TAFA1: variants seen among roughly 807,000 people sequenced by gnomAD.
The protein encoded by TAFA1 is TAFA chemokine like family member 1.
A neutral mutation model predicts 18.5 loss-of-function variants in TAFA1; 4 were observed. The observed-to-expected ratio is 0.22, with a 90% CI of 0.11 to 0.49. TAFA1 has a LOEUF of 0.49. Among genes scored for constraint, TAFA1 ranks in the 20% least tolerant of loss-of-function variants. TAFA1 has a pLI of 0.98. For missense variants in TAFA1, 147 were observed against 169.0 expected, an observed-to-expected ratio of 0.87 and a Z score of 0.72; for synonymous variants, 56 against 55.2, an observed-to-expected ratio of 1.01 and a Z score of -0.06.
At chr3:68,246,495 C>T (rs897831302) in intron 2 of TAFA1, among the ~76,000 whole-genome samples, 1 of 144,394 alleles carries the variant, frequency 6.9e-6, no homozygotes, top group Non-Finnish European at 1.5e-5. Flanking sequence ...AAGGCTGAGG[C>T]AGGAGAATGG....
At chr3:68,132,521 C>T (rs542413951) in intron 2 of TAFA1, among the ~76,000 whole-genome samples, 60 of 152,332 alleles carry the variant, frequency 3.9e-4, no homozygotes, top group African/African-American at 1.4e-3. Context: ...TATTTCTCCA[C>T]ATCCTCTCCA....
intron 2 of TAFA1, among the ~76,000 whole-genome samples, chr3:68,352,136 C>G (rs146848410): frequency 6.6e-6 from 1 of 151,936 alleles, no homozygotes; most frequent in East Asian, 1.9e-4. Flanking sequence ...ACTAACCACC[C>G]TCTTGAGCAC....
chr3:68,355,332 C>T lies in TAFA1; in HGVS notation c.119-61948C>T, dbSNP rs1425837530. Among the ~76,000 whole-genome samples the T allele has an allele frequency of 2.0e-5, 3 of 151,970 alleles. No homozygotes were observed. In the East Asian group the frequency reaches 5.8e-4, roughly 30 times the overall value. ...AATATGGGCTTTGAATTCAGGCTAC[C>T]CCATTTCAAATGGTAGCTTCCCCAC... On this transcript the variant is annotated intron_variant, in intron 2 of 4. Coordinates refer to ENST00000478136, the MANE Select transcript of TAFA1 (RefSeq NM_213609.4).
At chr3:68,506,485 A>ACACACACACT (rs2072757900) in intron 3 of TAFA1, among the ~76,000 whole-genome samples, 1 of 151,904 alleles carries the variant, frequency 6.6e-6, no homozygotes, top group Non-Finnish European at 1.5e-5. Flanking sequence ...ACACACACAC[A>ACACACACACT]CACAGAGCAA....
At chr3:68,188,520 T>TAG (rs1266366001) in intron 2 of TAFA1, among the ~76,000 whole-genome samples, 135 of 146,526 alleles carry the variant, frequency 9.2e-4, no homozygotes, top group African/African-American at 3.1e-3. Context: ...TATATATATA[T>TAG]ATAGAGAGAG....
At chr3:68,159,647 A>G (rs2065902702) in intron 2 of TAFA1, among the ~76,000 whole-genome samples, 1 of 152,172 alleles carries the variant, frequency 6.6e-6, no homozygotes, top group Non-Finnish European at 1.5e-5. Context: ...ATTCCAGAAC[A>G]GAACTCTCAA....
intron 3 of TAFA1, among the ~76,000 whole-genome samples, chr3:68,442,224 C>A (rs1341949994): frequency 6.6e-6 from 1 of 152,122 alleles, no homozygotes; most frequent in East Asian, 1.9e-4. Flanking sequence ...TTATTTCTTA[C>A]AGTTGTGGAC....
chr3:68,338,323 A>G (rs2069012410), intron 2 of TAFA1, among the ~76,000 whole-genome samples: 1 of 152,208 alleles, frequency 6.6e-6, no homozygotes, highest in Non-Finnish European at 1.5e-5. Context: ...TACAGTCAGT[A>G]CTGAATACGT....
intron 3 of TAFA1, among the ~76,000 whole-genome samples, chr3:68,532,062 A>G (rs1202134498): frequency 6.6e-6 from 1 of 152,132 alleles, no homozygotes; most frequent in Non-Finnish European, 1.5e-5. Flanking sequence ...TGAACGTCCA[A>G]ATCTGTCTGT....
chr3:68,167,931 C>G (rs2066004679), intron 2 of TAFA1, among the ~76,000 whole-genome samples: 1 of 152,008 alleles, frequency 6.6e-6, no homozygotes, highest in African/African-American at 2.4e-5. Flanking sequence ...AGCTTAAAAA[C>G]AGGAGAACCC....
chr3:68,305,364 T>C (rs2068385433), intron 2 of TAFA1, among the ~76,000 whole-genome samples: 1 of 142,754 alleles, frequency 7.0e-6, no homozygotes, highest in Non-Finnish European at 1.5e-5. Flanking sequence ...AATATATGAC[T>C]ATATATAAAT....
chr3:68,254,660 A>G (rs7644215), intron 2 of TAFA1, among the ~76,000 whole-genome samples: 12,904 of 152,082 alleles, frequency 0.085, 678 homozygotes, highest in Middle Eastern at 0.12. Context: ...AAGGTAAAGG[A>G]AGGGTAAAGA....
At chr3:68,170,262 C>G (rs2066035842) in intron 2 of TAFA1, among the ~76,000 whole-genome samples, 2 of 152,124 alleles carry the variant, frequency 1.3e-5, no homozygotes, top group South Asian at 2.1e-4. Context: ...AGTTTTGGGG[C>G]TCCCCAAAAG....
chr3:68,469,092 C>T (rs367864826), intron 3 of TAFA1, among the ~76,000 whole-genome samples: 2 of 151,966 alleles, frequency 1.3e-5, no homozygotes, highest in East Asian at 3.9e-4. Flanking sequence ...TAAGAGGTCA[C>T]AGAGAAGAAC....
At chr3:68,081,727 AG>A (rs1170125460) in intron 2 of TAFA1, among the ~76,000 whole-genome samples, 1 of 152,210 alleles carries the variant, frequency 6.6e-6, no homozygotes, top group African/African-American at 2.4e-5. Flanking sequence ...GCTGTCAGAC[AG>A]GGACATTTAA....
At position 68,006,390 on chromosome 3, in the gene TAFA1, C is replaced by T. The variant is rs1279543854; in HGVS notation, c.-3-234C>T. ...CCTAAAACTTTATTTTTGCATTTTGCCAATCCTTGGAGTTTTGTTTTGCAG... is the reference window on the plus strand; with the variant it reads ...CCTAAAACTTTATTTTTGCATTTTGTCAATCCTTGGAGTTTTGTTTTGCAG... On this transcript the variant is annotated intron_variant, in intron 1 of 4. Coordinates refer to ENST00000478136, the MANE Select transcript of TAFA1 (RefSeq NM_213609.4). 8.3e-6 allele frequency: 4 copies of T among 480,682 alleles called. No homozygotes were observed. In the South Asian group the frequency reaches 1.2e-4, roughly 15 times the overall value. 29.8% of individuals were successfully genotyped at this position (480,682 alleles called of 1,614,324 possible). A position where few individuals can be genotyped will look rare whatever the true frequency, so the allele number is the denominator to read the frequency against.
chr3:68,322,636 A>C (rs112137409), intron 2 of TAFA1, among the ~76,000 whole-genome samples: 1 of 152,120 alleles, frequency 6.6e-6, no homozygotes, highest in African/African-American at 2.4e-5. Context: ...GTTGGCTGCT[A>C]TAAGGTCCCT....
At chr3:68,093,351 G>C (rs989360718) in intron 2 of TAFA1, among the ~76,000 whole-genome samples, 3 of 151,926 alleles carry the variant, frequency 2.0e-5, no homozygotes, top group Non-Finnish European at 4.4e-5. Flanking sequence ...CACTACCTTT[G>C]GGTCTGAGCC....
At chr3:68,121,734 G>A (rs971791329) in intron 2 of TAFA1, among the ~76,000 whole-genome samples, 6 of 152,014 alleles carry the variant, frequency 3.9e-5, no homozygotes, top group Admixed American at 3.9e-4. Context: ...TTGTCATCTA[G>A]ATCTATCAAA....
Sources: allele counts gnomAD v4.1 joint callset (sites outside exome capture counted in the v4.1 genomes callset), GRCh38; gene constraint gnomAD v4.1.1; transcripts MANE v1.5; gene names NCBI Gene and HGNC (gene_info 2026-07-23, HGNC 2026-07-21).